TSHZ2: variants seen among roughly 807,000 people sequenced by gnomAD.
TSHZ2 encodes the protein teashirt zinc finger homeobox 2, also known as teashirt homolog 2.
Under a neutral mutation model 74.4 loss-of-function variants are expected in TSHZ2, and 21 were observed. That is an observed-to-expected ratio of 0.28 (90% CI 0.20 to 0.41). The LOEUF is 0.41. Among genes scored for constraint, TSHZ2 ranks in the 10% least tolerant of loss-of-function variants. The pLI is 1.00. For synonymous variants in TSHZ2, 540 were observed against 515.3 expected (o/e 1.05, Z -0.65); for missense variants, 1,244 against 1,293.5 (o/e 0.96, Z 0.59).
At position 53,493,472 on chromosome 20, in the gene TSHZ2, A is replaced by T. The variant is rs1346399037; in HGVS notation, c.*6337A>T. 1 of 152,156 alleles carries T rather than the reference A, an allele frequency of 6.6e-6. No homozygotes were observed. The highest frequency in any genetic ancestry group is 1.5e-5 in the Non-Finnish European group (1 of 68,024). The allele number at this position is 152,156 out of a possible 1,614,324, so 9.4% of individuals were successfully genotyped here. The stretch of plus-strand genomic sequence containing the variant: ...GTATTTTATCTAATAGTGCCTGAAA[A>T]TTTTTTTAATGTCTTCTTAGAAGAA... On this transcript the variant is annotated 3_prime_UTR_variant, in exon 3 of 3. Transcript: ENST00000371497.
chr20:53,166,919 AT>A (rs762693583), intron 1 of TSHZ2, among the ~76,000 whole-genome samples: 47 of 152,330 alleles, frequency 3.1e-4, no homozygotes, highest in Non-Finnish European at 4.6e-4. Context: ...TAAGTATTAT[AT>A]TAAAAAAACC....
At chr20:53,085,279 C>T (rs1196489137) in intron 1 of TSHZ2, among the ~76,000 whole-genome samples, 6 of 152,004 alleles carry the variant, frequency 3.9e-5, no homozygotes, top group Admixed American at 6.6e-5. Context: ...GCTGGAGAAT[C>T]GCTTGAATCC....
chr20:53,293,236 GA>G (rs1991313921), intron 2 of TSHZ2, among the ~76,000 whole-genome samples: 1 of 152,208 alleles, frequency 6.6e-6, no homozygotes, highest in Admixed American at 6.5e-5. Flanking sequence ...GCCAAGGTAG[GA>G]GGATCACTTA....
rs1006973849 is a variant in TSHZ2 at position 53,288,412 on chromosome 20, A to G, written c.*8+31841A>G. Among the ~76,000 whole-genome samples the G allele has an allele frequency of 8.7e-3, 173 of 19,958 alleles. 2 individuals are homozygous for G. The highest frequency in any genetic ancestry group is 0.028 in the Admixed American group (70 of 2,520). 13.1% of individuals were successfully genotyped at this position (19,958 alleles called of 152,430 possible). A position where few individuals can be genotyped will look rare whatever the true frequency, so the allele number is the denominator to read the frequency against. On this transcript the variant is annotated intron_variant, in intron 2 of 2. Coordinates refer to ENST00000371497, the MANE Select transcript of TSHZ2 (RefSeq NM_173485.6). ...GGTGACAGAGCAAGACTCCGTTTCAAAAAAAAAAAAAAAAACTAGCTACTG... is the reference window on the plus strand; with the variant it reads ...GGTGACAGAGCAAGACTCCGTTTCAGAAAAAAAAAAAAAAACTAGCTACTG...
At chr20:53,439,087 C>T (rs867755317) in intron 2 of TSHZ2, among the ~76,000 whole-genome samples, 54 of 152,304 alleles carry the variant, frequency 3.5e-4, no homozygotes, top group African/African-American at 1.1e-3. Context: ...TCATAAAGTA[C>T]ATGCTCAACA....
intron 1 of TSHZ2, chr20:53,206,709 C>T (rs1368498950): frequency 6.6e-6 from 1 of 152,172 alleles, no homozygotes; most frequent in Admixed American, 6.5e-5. Flanking sequence ...GAGCACGAGA[C>T]CTTGGGATTT....
At chr20:53,170,579 G>A (rs1052935483) in intron 1 of TSHZ2, among the ~76,000 whole-genome samples, 3 of 152,100 alleles carry the variant, frequency 2.0e-5, no homozygotes, top group Non-Finnish European at 4.4e-5. Flanking sequence ...CAGCATCCCC[G>A]GCCTCCACCC....
At chr20:53,423,687 T>TCACCTCATTCCGCCCATGC (rs1983560431) in intron 2 of TSHZ2, among the ~76,000 whole-genome samples, 1 of 152,226 alleles carries the variant, frequency 6.6e-6, no homozygotes. Context: ...CTTGCACATG[T>TCACCTCATTCCGCCCATGC]CACCTCATTC....
intron 2 of TSHZ2, among the ~76,000 whole-genome samples, chr20:53,447,559 G>A (rs764814584): frequency 9.2e-5 from 14 of 152,114 alleles, no homozygotes; most frequent in African/African-American, 2.7e-4. Context: ...TTATCCAAAC[G>A]TCCTTACGCT....
At chr20:53,163,853 T>TTTG (rs983864864) in intron 1 of TSHZ2, among the ~76,000 whole-genome samples, 3 of 152,218 alleles carry the variant, frequency 2.0e-5, no homozygotes, top group Non-Finnish European at 4.4e-5. Flanking sequence ...ATAATAAATG[T>TTTG]TTGTTGTTGT....
intron 1 of TSHZ2, among the ~76,000 whole-genome samples, chr20:53,034,541 AG>A (rs1568729191): frequency 6.6e-6 from 1 of 152,222 alleles, no homozygotes; most frequent in African/African-American, 2.4e-5. Flanking sequence ...TTGGTGAAAT[AG>A]AATTTCCAAG....
chr20:53,296,249 T>C (rs1475682349), intron 2 of TSHZ2, among the ~76,000 whole-genome samples: 2 of 152,188 alleles, frequency 1.3e-5, no homozygotes, highest in African/African-American at 4.8e-5. Context: ...TGCAATTTGC[T>C]CTGGGCTTCA....
intron 2 of TSHZ2, among the ~76,000 whole-genome samples, chr20:53,361,063 C>T (rs529297540): frequency 6.6e-6 from 1 of 152,292 alleles, no homozygotes; most frequent in East Asian, 1.9e-4. Context: ...TACCCGCTGC[C>T]CGCCCAGCCC....
intron 2 of TSHZ2, among the ~76,000 whole-genome samples, chr20:53,382,900 G>GTGTT (rs149016684): frequency 0.012 from 1,818 of 152,234 alleles, 42 homozygotes; most frequent in African/African-American, 0.041. Flanking sequence ...TCCTCTCTGC[G>GTGTT]TGTTTCCTTA....
intron 1 of TSHZ2, among the ~76,000 whole-genome samples, chr20:53,028,777 C>A (rs1365558436): frequency 7.2e-5 from 11 of 152,096 alleles, no homozygotes; most frequent in Non-Finnish European, 1.0e-4. Context: ...CTTCCTCTGG[C>A]CTGCACTCTG....
chr20:53,073,496 A>G (rs1015525367), intron 1 of TSHZ2, among the ~76,000 whole-genome samples: 5 of 152,332 alleles, frequency 3.3e-5, no homozygotes, highest in Admixed American at 6.5e-5. Flanking sequence ...GGATAGAGAC[A>G]CATCTGAAAT....
At chr20:53,374,602 A>G (rs1276672351) in intron 2 of TSHZ2, among the ~76,000 whole-genome samples, 2 of 152,210 alleles carry the variant, frequency 1.3e-5, no homozygotes, top group Non-Finnish European at 2.9e-5. Flanking sequence ...CATTCCCACC[A>G]GCGGCATGTG....
chr20:52,994,451 C>CGGAT (rs371594531), intron 1 of TSHZ2, among the ~76,000 whole-genome samples: 12 of 151,130 alleles, frequency 7.9e-5, no homozygotes, highest in Non-Finnish European at 1.3e-4. Flanking sequence ...AATGAATGGA[C>CGGAT]GGATGGATGG....
intron 1 of TSHZ2, among the ~76,000 whole-genome samples, chr20:53,125,247 G>C (rs1184979861): frequency 1.3e-5 from 2 of 152,142 alleles, no homozygotes; most frequent in Admixed American, 1.3e-4. Flanking sequence ...TAATTACAAA[G>C]AGATATTGTG....
Sources: allele counts gnomAD v4.1 joint callset (sites outside exome capture counted in the v4.1 genomes callset), GRCh38; gene constraint gnomAD v4.1.1; transcripts MANE v1.5; gene names NCBI Gene and HGNC (gene_info 2026-07-23, HGNC 2026-07-21).